The following PLEKHA6 variants were observed in gnomAD, a reference collection of about 807,000 sequenced individuals.
PLEKHA6 encodes pleckstrin homology domain-containing family A member 6.
PLEKHA6 carries 60 observed loss-of-function variants against 116.7 expected under a neutral mutation model. That is an observed-to-expected ratio of 0.51 (90% CI 0.42 to 0.64). The LOEUF (loss-of-function observed/expected upper bound fraction) is 0.64. PLEKHA6 is among the 30% of genes least tolerant of loss of function. The probability of loss-of-function intolerance (pLI) is 0.00; values close to 1 mark genes in which losing one functional copy is unlikely to be tolerated. For missense variants in PLEKHA6, 1,338 were observed against 1,422.7 expected (o/e 0.94, Z 0.96); for synonymous variants, 489 against 556.1 (o/e 0.88, Z 1.70).
At position 204,229,031 on chromosome 1, in the gene PLEKHA6, C is replaced by T. The variant is rs771206897; in HGVS notation, c.2657G>A (p.Gly886Asp). ...LEAALRAEEPGGHAYETPREE... is the reference protein window; with the variant it reads ...LEAALRAEEPDGHAYETPREE... ...CCGGGGTGTCTCGTAGGCATGCCCG[C>T]CAGGCTCCTCTGCCCGCAGGGCTGC... The change falls in exon 19 of 23, where the codon GGC (glycine) becomes GAC (aspartate). Residue 886 changes from glycine (G) to aspartate (D), a missense_variant. Gly to Asp is a moderately conservative substitution (Grantham distance 94, BLOSUM62 -1). Transcript: ENST00000272203. The T allele has an allele frequency of 1.2e-6, 2 of 1,614,152 alleles. No individual in the cohort carries two copies. Among genetic ancestry groups the T allele is most frequent in the Non-Finnish European group, 1.7e-6 (2 of 1,180,006 alleles).
chr1:204,369,094 C>T (rs958108548), intron 2 of PLEKHA6: 13 of 152,194 alleles, frequency 8.5e-5, no homozygotes, highest in Admixed American at 8.5e-4. Context: ...TTCAGCAAAA[C>T]AGGGCAGCCA....
At chr1:204,233,289 C>T (rs777653861) in intron 17 of PLEKHA6, among the ~76,000 whole-genome samples, 9 of 150,928 alleles carry the variant, frequency 6.0e-5, no homozygotes, top group Admixed American at 3.3e-4. Context: ...ATCTTCCAGC[C>T]TAAGCCTCCT....
rs1668184965 is a variant in PLEKHA6, at chr1:204,277,873, C to T, written c.-94-3064G>A. ...ATGAGAAGCAAGTCGACCAGATGGGCGTGGATGCTGTGGAACCAGAGCTGG... is the reference window on the plus strand; with the variant it reads ...ATGAGAAGCAAGTCGACCAGATGGGTGTGGATGCTGTGGAACCAGAGCTGG... On this transcript the variant is annotated intron_variant, in intron 1 of 22. Transcript: ENST00000272203. The surrounding 1 kb of genome is among the most constrained non-coding windows in gnomAD (Gnocchi z 4.1). The T allele has an allele frequency of 6.6e-6, 1 of 152,244 alleles. No individual in the cohort carries two copies. The highest frequency in any genetic ancestry group is 2.1e-4 in the South Asian group (1 of 4,828). The allele number at this position is 152,244 out of a possible 1,614,324, so 9.4% of individuals were successfully genotyped here.
At chr1:204,296,152 A>G (rs1362003492) in intron 1 of PLEKHA6, among the ~76,000 whole-genome samples, 1 of 152,070 alleles carries the variant, frequency 6.6e-6, no homozygotes, top group Non-Finnish European at 1.5e-5. Flanking sequence ...TAAGGAAAAG[A>G]CTATAGGTAC....
intron 1 of PLEKHA6, among the ~76,000 whole-genome samples, chr1:204,333,993 G>A (rs908063708): frequency 6.6e-6 from 1 of 152,234 alleles, no homozygotes; most frequent in African/African-American, 2.4e-5. Flanking sequence ...AGGAGGCCTA[G>A]CCTTGCACTA....
intron 1 of PLEKHA6, among the ~76,000 whole-genome samples, chr1:204,315,253 T>C (rs530757992): frequency 3.3e-5 from 5 of 152,128 alleles, no homozygotes; most frequent in Non-Finnish European, 7.4e-5. Flanking sequence ...ACTCTCTTGC[T>C]CAGAAATCCT....
intron 1 of PLEKHA6, chr1:204,347,284 G>C (rs1218807309): frequency 2.3e-5 from 21 of 909,714 alleles, no homozygotes; most frequent in Non-Finnish European, 3.4e-5. Flanking sequence ...GAAGATGGCA[G>C]TTATGGCCGA....
At chr1:204,335,376 T>C (rs1323858520) in intron 1 of PLEKHA6, among the ~76,000 whole-genome samples, 5 of 152,028 alleles carry the variant, frequency 3.3e-5, no homozygotes, top group East Asian at 1.9e-4. Context: ...CTGGCTCCCT[T>C]GGACCAAGTC....
rs1249765557 is a variant in PLEKHA6, at chr1:204,259,223, A to G, written c.1007+35T>C. 3.1e-6 allele frequency: 5 copies of G among 1,602,604 alleles called. No homozygotes were observed. Among genetic ancestry groups the G allele is most frequent in the East Asian group, 4.5e-5 (2 of 44,792 alleles). Reference sequence around the variant, plus strand: ...ACTCGCACGCTCTAGCCATAATACCATATCAGCCCCACCCCAGCCGCCGGC... The same window carrying G: ...ACTCGCACGCTCTAGCCATAATACCGTATCAGCCCCACCCCAGCCGCCGGC... On this transcript the variant is annotated intron_variant, in intron 8 of 22. Transcript: ENST00000272203. The surrounding 1 kb of genome is among the most constrained non-coding windows in gnomAD (Gnocchi z 4.6).
At chr1:204,289,867 C>T (rs2103020767) in intron 1 of PLEKHA6, among the ~76,000 whole-genome samples, 1 of 152,246 alleles carries the variant, frequency 6.6e-6, no homozygotes, top group South Asian at 2.1e-4. Flanking sequence ...GCTCAGGATA[C>T]AAAGTCTATA....
chr1:204,359,417 C>A (rs1410784391), intron 1 of PLEKHA6: 1 of 181,194 alleles, frequency 5.5e-6, no homozygotes, highest in Non-Finnish European at 1.1e-5. Flanking sequence ...ACGCTGCCTT[C>A]ATCCAGGAGA....
chr1:204,343,100 A>G (rs1175415759), intron 1 of PLEKHA6, among the ~76,000 whole-genome samples: 1 of 152,206 alleles, frequency 6.6e-6, no homozygotes, highest in African/African-American at 2.4e-5. Flanking sequence ...TAAGCCTGAC[A>G]GCTGTCCGTG....
At chr1:204,276,275 G>A (rs557393525) in intron 1 of PLEKHA6, among the ~76,000 whole-genome samples, 2 of 152,126 alleles carry the variant, frequency 1.3e-5, no homozygotes, top group African/African-American at 2.4e-5. Flanking sequence ...AAAACCAGGC[G>A]CGTGTCCACC....
chr1:204,219,219 A>ATG lies in PLEKHA6; in HGVS notation c.*3568_*3569insCA, dbSNP rs1240634911. On this transcript the variant is annotated 3_prime_UTR_variant, in exon 23 of 23. Transcript: ENST00000272203. ...CCCCAATATGTGCATAAATAGATAT[A>ATG]CGTGTGTGTGTGTGTGTGTGTGTAT... The ATG allele has an allele frequency of 1.4e-5, 2 of 147,110 alleles. No individual in the cohort carries two copies. The highest frequency in any genetic ancestry group is 1.4e-4 in the Admixed American group (2 of 14,642). The allele number at this position is 147,110 out of a possible 1,614,324, so 9.1% of individuals were successfully genotyped here.
At position 204,230,538 on chromosome 1, in the gene PLEKHA6, T is replaced by C. The variant is rs748432476; in HGVS notation, c.2458A>G (p.Ser820Gly). 1.6e-5 allele frequency: 26 copies of C among 1,601,676 alleles called. 1 individual carries two copies. In the South Asian group the frequency reaches 2.8e-4, roughly 17 times the overall value. Residue 820 changes from serine to glycine, a missense_variant, in exon 18 of 23, where the codon AGC becomes GGC. By Grantham distance (56) the Ser-to-Gly change is moderately conservative. Transcript: ENST00000272203. ...ATTCGGTCAATCTGCTCCTCCACGC[T>C]CATCTTGACCTTCCCCTCGCCAGGA... Reference protein sequence around the residue: ...VFPGEGKVKMSVEEQIDRMRR... With the variant: ...VFPGEGKVKMGVEEQIDRMRR...
At position 204,257,768 on chromosome 1, in the gene PLEKHA6, C is replaced by T. The variant is rs770150553; in HGVS notation, c.1109G>A (p.Arg370Gln). Residue 370 changes from arginine (R) to glutamine (Q), a missense_variant, in exon 9 of 23, where the codon CGG becomes CAG. Transcript: ENST00000272203. The surrounding 1 kb of genome is among the most constrained non-coding windows in gnomAD (Gnocchi z 6.5). ...DDYQYYPPGV[R>Q]PESICSMPAY... ...CGGCATGGAACAGATGCTCTCCGGCCGCACTCCTGGCGGGTAGTACTGATA... is the reference window on the plus strand; with the variant it reads ...CGGCATGGAACAGATGCTCTCCGGCTGCACTCCTGGCGGGTAGTACTGATA... The T allele has an allele frequency of 4.3e-5, 69 of 1,613,828 alleles. No homozygotes were observed. In the South Asian group the frequency reaches 5.8e-4, roughly 14 times the overall value.
intron 17 of PLEKHA6, among the ~76,000 whole-genome samples, chr1:204,235,542 A>G (rs542963930): frequency 6.6e-5 from 10 of 152,322 alleles, no homozygotes; most frequent in African/African-American, 2.4e-4. Flanking sequence ...TTGTGTAAAA[A>G]CAGACACAAG....
chr1:204,273,586 C>G lies in PLEKHA6; in HGVS notation c.102+40G>C, dbSNP rs75678543. On this transcript the variant is annotated intron_variant, in intron 3 of 22. Coordinates refer to ENST00000272203, the MANE Select transcript of PLEKHA6 (RefSeq NM_014935.5). ...GATCCCACTAAACATGCACTGAAGACGTTTCCAGCCCAACAGCTTGCCTTG... is the reference window on the plus strand; with the variant it reads ...GATCCCACTAAACATGCACTGAAGAGGTTTCCAGCCCAACAGCTTGCCTTG... The G allele has an allele frequency of 6.8e-6, 9 of 1,326,420 alleles. No individual in the cohort carries two copies. The East Asian group carries it at 2.1e-4, about 30-fold the overall frequency. 82.2% of individuals were successfully genotyped at this position (1,326,420 alleles called of 1,614,324 possible).
chr1:204,349,705 G>A (rs1266935905), intron 1 of PLEKHA6, among the ~76,000 whole-genome samples: 1 of 152,222 alleles, frequency 6.6e-6, no homozygotes, highest in Non-Finnish European at 1.5e-5. Context: ...CAAGTCATGA[G>A]ACTTCTCAGT....
Sources: allele counts gnomAD v4.1 joint callset (sites outside exome capture counted in the v4.1 genomes callset), GRCh38; gene constraint gnomAD v4.1.1; non-coding constraint Gnocchi (gnomAD v3.1); transcripts MANE v1.5; gene names NCBI Gene and HGNC (gene_info 2026-07-23, HGNC 2026-07-21).